Variants in ZFPM1 observed in about 807,000 individuals in gnomAD.
ZFPM1 encodes zinc finger protein, FOG family member 1.
A neutral mutation model predicts 46.3 loss-of-function variants in ZFPM1; 28 were observed. The observed-to-expected ratio is 0.60, with a 90% CI of 0.45 to 0.83. ZFPM1 has a LOEUF of 0.83. Among genes scored for constraint, ZFPM1 ranks in the 40% least tolerant of loss-of-function variants. ZFPM1 has a pLI of 0.00. For synonymous variants in ZFPM1, 957 were observed against 675.9 expected, an observed-to-expected ratio of 1.42 and a Z score of -6.45; for missense variants, 1,878 against 1,432.4, an observed-to-expected ratio of 1.31 and a Z score of -5.02.
chr16:88,489,743 C>T (rs1909451947), intron 3 of ZFPM1, among the ~76,000 whole-genome samples: 1 of 152,248 alleles, frequency 6.6e-6, no homozygotes, highest in African/African-American at 2.4e-5. Flanking sequence ...CCCCAGAAGT[C>T]CCATGAACGT....
rs145142914 is a variant in ZFPM1 at position 88,479,185 on chromosome 16, G to A, written c.41-6754G>A. ...GGGCGGTGAGTCCCGAGTCCCAACC[G>A]CGGGGCCGGGCTCCCCACGCAGGTG... On this transcript the variant is annotated intron_variant, in intron 1 of 9. Transcript: ENST00000319555. 1.1e-4 allele frequency among the ~76,000 whole-genome samples: 16 copies of A among 152,300 alleles called. No homozygotes were observed. In the East Asian group the frequency reaches 1.9e-3, roughly 18 times the overall value.
chr16:88,528,017 C>G lies in ZFPM1; in HGVS notation c.506-15C>G. 1 of 1,527,736 alleles carries G rather than the reference C, an allele frequency of 6.5e-7. No individual in the cohort carries two copies. The highest frequency in any genetic ancestry group is 8.8e-7 in the Non-Finnish European group (1 of 1,131,204). 94.6% of individuals were successfully genotyped at this position (1,527,736 alleles called of 1,614,324 possible). ...GGGCACAAAGTCCTAGGTTTGGACA[C>G]CTGTCTCCCTCCAGATGACGCACTC... On this transcript the variant is annotated splice_polypyrimidine_tract_variant and intron_variant, in intron 5 of 9. Coordinates refer to ENST00000319555, the MANE Select transcript of ZFPM1 (RefSeq NM_153813.3).
intron 1 of ZFPM1, among the ~76,000 whole-genome samples, chr16:88,456,012 C>T (rs930383837): frequency 3.3e-5 from 5 of 152,142 alleles, no homozygotes; most frequent in Non-Finnish European, 5.9e-5. Context: ...CCACCAGGCC[C>T]GGCCGGGTTG....
chr16:88,516,003 C>T (rs543031159), intron 4 of ZFPM1: 6 of 397,172 alleles, frequency 1.5e-5, no homozygotes, highest in Non-Finnish European at 2.7e-5. Context: ...GGGCAAAGAC[C>T]GTAGGGGCTG....
intron 1 of ZFPM1, among the ~76,000 whole-genome samples, chr16:88,462,264 G>C (rs1907931377): frequency 1.3e-5 from 2 of 152,186 alleles, no homozygotes; most frequent in South Asian, 4.1e-4. Context: ...CAGCTTCCGA[G>C]AGCTCAGGCC....
Position 88,532,619 on chromosome 16 carries a change from C to G in ZFPM1, c.952C>G (p.Arg318Gly), listed in dbSNP as rs1336664589. ...EIHMRSHSGE[R>G]PFVCLICLSA... Reference sequence around the variant, plus strand: ...TTACGCGCCCTGTGTTCCAGGAGAGCGGCCCTTCGTGTGCCTGATCTGCCT... The same window carrying G: ...TTACGCGCCCTGTGTTCCAGGAGAGGGGCCCTTCGTGTGCCTGATCTGCCT... Residue 318 changes from arginine (R) to glycine (G), a missense_variant, in exon 8 of 10, where the codon CGG (arginine) becomes GGG (glycine). Transcript: ENST00000319555. 6.4e-7 allele frequency: 1 copy of G among 1,565,724 alleles called. No individual in the cohort carries two copies. The highest frequency in any genetic ancestry group is 8.7e-7 in the Non-Finnish European group (1 of 1,155,006).
chr16:88,460,200 C>G (rs1907754532), intron 1 of ZFPM1, among the ~76,000 whole-genome samples: 1 of 152,174 alleles, frequency 6.6e-6, no homozygotes. Flanking sequence ...CTGGACCAAG[C>G]CAAGCCAGAG....
intron 6 of ZFPM1, among the ~76,000 whole-genome samples, chr16:88,529,104 T>TC (rs1912576431): frequency 6.6e-6 from 1 of 152,178 alleles, no homozygotes; most frequent in South Asian, 2.1e-4. Context: ...ACACAGAAGA[T>TC]CCCATATCTG....
intron 3 of ZFPM1, among the ~76,000 whole-genome samples, chr16:88,490,117 G>A (rs1256550565): frequency 2.0e-5 from 3 of 151,582 alleles, no homozygotes; most frequent in Non-Finnish European, 4.4e-5. Flanking sequence ...GCAATGGCGC[G>A]ATCTCGGCTC....
At chr16:88,531,896 G>T in intron 6 of ZFPM1, 106 bp from the exon 7 acceptor site, 1 of 1,101,204 alleles carries the variant, frequency 9.1e-7, no homozygotes, top group African/African-American at 1.6e-5. Context: ...CCTGGGGTGG[G>T]GAGGACGGTG....
intron 1 of ZFPM1, among the ~76,000 whole-genome samples, chr16:88,462,388 C>T (rs957181676): frequency 3.9e-5 from 6 of 152,250 alleles, no homozygotes; most frequent in African/African-American, 1.4e-4. Flanking sequence ...CTTCTCCAGA[C>T]ACCACTTAGC....
intron 3 of ZFPM1, among the ~76,000 whole-genome samples, chr16:88,511,462 A>T (rs1910958020): frequency 6.6e-6 from 1 of 151,898 alleles, no homozygotes; most frequent in Non-Finnish European, 1.5e-5. Flanking sequence ...CATTTAAAAA[A>T]ACAACTGCCT....
At position 88,528,180 on chromosome 16, in the gene ZFPM1, C is replaced by A; in HGVS notation, c.654C>A (p.Leu218=). 2 of 1,610,370 alleles carry A rather than the reference C, an allele frequency of 1.2e-6. No individual in the cohort carries two copies. Among genetic ancestry groups the A allele is most frequent in the Non-Finnish European group, 1.7e-6 (2 of 1,179,424 alleles). Residue 218 remains leucine, a synonymous_variant, in exon 6 of 10, where the codon CTC becomes CTA. Transcript: ENST00000319555. ...EPTCPAPAHD[L]QLLPQQAGMA... ...CGTGCCCGGCCCCTGCACACGACCT[C>A]CAGCTCCTGCCCCAGCAGGCCGGGA... is the stretch of plus-strand genomic sequence containing the variant.
chr16:88,482,519 G>A (rs914344938), intron 1 of ZFPM1, among the ~76,000 whole-genome samples: 3 of 152,156 alleles, frequency 2.0e-5, no homozygotes, highest in Non-Finnish European at 4.4e-5. Context: ...TGTGTAAATA[G>A]GAGAACCCAT....
Position 88,514,469 on chromosome 16 carries a change from G to A in ZFPM1, c.351G>A (p.Pro117=), listed in dbSNP as rs757764340. Reference sequence around the variant, plus strand: ...TCGCCACGGGCCTGTCCTGGGGCCCGTTCCATGGGAGTGTCCAGACCAGAG... The same window carrying A: ...TCGCCACGGGCCTGTCCTGGGGCCCATTCCATGGGAGTGTCCAGACCAGAG... ...LSLATGLSWG[P]FHGSVQTRAS... The change falls in exon 4 of 10, where the codon CCG becomes CCA. Residue 117 remains proline, a synonymous_variant. Transcript: ENST00000319555. The A allele has an allele frequency of 2.8e-5, 43 of 1,563,008 alleles. No homozygotes were observed. The highest frequency in any genetic ancestry group is 1.6e-4 in the South Asian group (14 of 84,956).
At chr16:88,498,105 C>G (rs537319134) in intron 3 of ZFPM1, among the ~76,000 whole-genome samples, 21 of 152,242 alleles carry the variant, frequency 1.4e-4, no homozygotes, top group African/African-American at 5.1e-4. Context: ...CAGGGGTCAG[C>G]CTGGGGTCAG....
At position 88,533,364 on chromosome 16, in the gene ZFPM1, A is replaced by G. The variant is rs932170517; in HGVS notation, c.1406A>G (p.Glu469Gly). The change falls in exon 10 of 10, where the codon GAG becomes GGG. Residue 469 changes from glutamate (E) to glycine (G), a missense_variant. Transcript: ENST00000319555. ...AGCATCAAGGTGGAGGCGGTGGAGG[A>G]GCCGGAGGCGGCCCCCATCCTGGGC... ...PRSIKVEAVE[E>G]PEAAPILGPG... The G allele has an allele frequency of 6.5e-7, 1 of 1,529,972 alleles. No individual in the cohort carries two copies. Among genetic ancestry groups the G allele is most frequent in the Admixed American group, 2.0e-5 (1 of 50,070 alleles). The allele number at this position is 1,529,972 out of a possible 1,614,324, so 94.8% of individuals were successfully genotyped here.
chr16:88,463,004 G>A (rs1236976651), intron 1 of ZFPM1, among the ~76,000 whole-genome samples: 1 of 152,176 alleles, frequency 6.6e-6, no homozygotes, highest in East Asian at 1.9e-4. Flanking sequence ...TCCCTCAGGT[G>A]TCTCTGTCAC....
intron 1 of ZFPM1, among the ~76,000 whole-genome samples, chr16:88,462,471 C>T (rs941905787): frequency 2.0e-5 from 3 of 152,258 alleles, no homozygotes; most frequent in African/African-American, 7.2e-5. Flanking sequence ...GCTAGAGTCT[C>T]ACAGCACACA....
Sources: gnomAD v4.1 joint callset for allele counts (sites outside exome capture counted in the v4.1 genomes callset) on GRCh38, gnomAD v4.1.1 for gene constraint, MANE v1.5 for transcripts, NCBI Gene and HGNC (gene_info 2026-07-23, HGNC 2026-07-21) for gene names.